The following SHANK2 variants were observed in gnomAD, a reference collection of about 807,000 sequenced individuals.
SHANK2 encodes SH3 and multiple ankyrin repeat domains 2.
A neutral mutation model predicts 133.7 loss-of-function variants in SHANK2; 43 were observed. The ratio of observed to expected loss-of-function variants is 0.32; its 90% confidence interval spans 0.25 to 0.41. The LOEUF (loss-of-function observed/expected upper bound fraction) is 0.41, where lower values mean the gene tolerates loss of function less well. SHANK2 is among the 10% of genes least tolerant of loss of function. SHANK2 has a pLI of 1.00. For missense variants in SHANK2, 1,994 were observed against 2,235.8 expected, an observed-to-expected ratio of 0.89 and a Z score of 2.18; for synonymous variants, 1,017 against 952.8, an observed-to-expected ratio of 1.07 and a Z score of -1.24.
At position 70,469,520 on chromosome 11, in the gene SHANK2, A is replaced by T. The variant is rs1415009737; in HGVS notation, c.*3349T>A. 10 of 148,226 alleles carry T rather than the reference A, an allele frequency of 6.7e-5. No homozygotes were observed. Among genetic ancestry groups the T allele is most frequent in the Non-Finnish European group, 1.5e-4 (10 of 67,664 alleles). 9.2% of individuals were successfully genotyped at this position (148,226 alleles called of 1,614,324 possible). ...ATTGGGAGAAAGTGCAAATTACAGG[A>T]GCTTTTTTTTTTTTTTATAAAGTCT... On this transcript the variant is annotated 3_prime_UTR_variant, in exon 26 of 26. Coordinates refer to ENST00000601538, the MANE Select transcript of SHANK2 (RefSeq NM_012309.5).
chr11:71,189,089 A>G (rs1953734577), intron 2 of SHANK2, among the ~76,000 whole-genome samples: 1 of 152,190 alleles, frequency 6.6e-6, no homozygotes, highest in South Asian at 2.1e-4. Flanking sequence ...GTTGTGAAAT[A>G]GTCACATCTG....
At chr11:70,686,187 C>T (rs1555019534) in intron 15 of SHANK2, among the ~76,000 whole-genome samples, 1 of 147,504 alleles carries the variant, frequency 6.8e-6, no homozygotes, top group Non-Finnish European at 1.5e-5. Flanking sequence ...TCCATCTACT[C>T]ATCCACCCAT....
chr11:71,076,246 A>C (rs1037975016), intron 8 of SHANK2, among the ~76,000 whole-genome samples: 8 of 152,100 alleles, frequency 5.3e-5, no homozygotes, highest in Non-Finnish European at 8.8e-5. Flanking sequence ...TCTCAATCCC[A>C]GGGTCGGGAG....
chr11:70,797,709 C>G (rs1416140606), intron 14 of SHANK2, among the ~76,000 whole-genome samples: 1 of 152,192 alleles, frequency 6.6e-6, no homozygotes, highest in East Asian at 1.9e-4. Flanking sequence ...GTGGCCGCAG[C>G]GTCCGTGGCC....
At chr11:70,777,877 G>C (rs1555044273) in intron 14 of SHANK2, among the ~76,000 whole-genome samples, 1 of 152,214 alleles carries the variant, frequency 6.6e-6, no homozygotes, top group East Asian at 1.9e-4. Context: ...ATGAGGTGGA[G>C]ATAGAGCCCT....
chr11:70,817,311 C>T (rs1178759513), intron 12 of SHANK2, among the ~76,000 whole-genome samples: 6 of 152,206 alleles, frequency 3.9e-5, no homozygotes, highest in African/African-American at 1.4e-4. Context: ...TCCTACAGCA[C>T]AGCTATTGCT....
rs573194267 is a variant in SHANK2, at chr11:70,554,202, C to A, written c.2062-51271G>T. Reference sequence around the variant, plus strand: ...CCCTCCTGATAAGAAATCACAGGCACCTCCTTGACCCTCCAACCACTTCTA... The same window carrying A: ...CCCTCCTGATAAGAAATCACAGGCAACTCCTTGACCCTCCAACCACTTCTA... On this transcript the variant is annotated intron_variant, in intron 17 of 25. Transcript: ENST00000601538. 1.7e-4 allele frequency among the ~76,000 whole-genome samples: 26 copies of A among 152,320 alleles called. No homozygotes were observed. In the South Asian group the frequency reaches 5.2e-3, roughly 30 times the overall value.
At chr11:70,725,099 T>TG (rs776218105) in intron 14 of SHANK2, among the ~76,000 whole-genome samples, 56 of 152,240 alleles carry the variant, frequency 3.7e-4, no homozygotes, top group East Asian at 9.6e-4. Flanking sequence ...CTTGATTCTT[T>TG]GGGGGGGAAA....
At chr11:70,946,331 C>T (rs1445904163) in intron 10 of SHANK2, among the ~76,000 whole-genome samples, 1 of 147,452 alleles carries the variant, frequency 6.8e-6, no homozygotes, top group Non-Finnish European at 1.5e-5. Flanking sequence ...CAACACTTCC[C>T]AGGATCAGCC....
intron 11 of SHANK2, among the ~76,000 whole-genome samples, chr11:70,888,366 T>C (rs574497733): frequency 6.6e-6 from 1 of 152,278 alleles, no homozygotes; most frequent in African/African-American, 2.4e-5. Context: ...CCTCTGTGCC[T>C]CTGAGCTCGG....
chr11:71,230,748 C>T (rs1472470619), intron 1 of SHANK2, among the ~76,000 whole-genome samples: 2 of 152,102 alleles, frequency 1.3e-5, no homozygotes, highest in Admixed American at 1.3e-4. Flanking sequence ...GAACTCAATA[C>T]AGAGCCCAGA....
intron 17 of SHANK2, among the ~76,000 whole-genome samples, chr11:70,572,073 T>A (rs1554983193): frequency 6.6e-6 from 1 of 152,092 alleles, no homozygotes; most frequent in African/African-American, 2.4e-5. Flanking sequence ...AAGGCGGCCA[T>A]CTCCACACCA....
intron 3 of SHANK2, among the ~76,000 whole-genome samples, chr11:71,137,455 G>A (rs1952466456): frequency 1.3e-5 from 2 of 152,092 alleles, no homozygotes; most frequent in Non-Finnish European, 2.9e-5. Flanking sequence ...AGGTATGGAG[G>A]GGGAAATAAG....
At chr11:70,717,522 C>A (rs1380511983) in intron 14 of SHANK2, among the ~76,000 whole-genome samples, 1 of 152,180 alleles carries the variant, frequency 6.6e-6, no homozygotes, top group African/African-American at 2.4e-5. Flanking sequence ...AGGACACAGT[C>A]CCCCTAAAAC....
chr11:70,839,100 G>A (rs1948865494), intron 11 of SHANK2, among the ~76,000 whole-genome samples: 1 of 152,248 alleles, frequency 6.6e-6, no homozygotes, highest in South Asian at 2.1e-4. Flanking sequence ...CTATGGGAAA[G>A]CAGAAGTCAT....
intron 14 of SHANK2, among the ~76,000 whole-genome samples, chr11:70,766,159 T>C (rs1349102190): frequency 2.6e-5 from 4 of 152,220 alleles, no homozygotes; most frequent in Admixed American, 6.5e-5. Context: ...TCTTCCTCTA[T>C]TGGAACGCAG....
At chr11:70,878,442 C>G (rs975290111) in intron 11 of SHANK2, among the ~76,000 whole-genome samples, 4 of 152,206 alleles carry the variant, frequency 2.6e-5, no homozygotes, top group Non-Finnish European at 5.9e-5. Flanking sequence ...CTTTCTGGAG[C>G]AATTTACCAT....
chr11:71,126,725 C>CTTTTTTT (rs200961805), intron 3 of SHANK2, among the ~76,000 whole-genome samples: 4 of 130,274 alleles, frequency 3.1e-5, no homozygotes, highest in African/African-American at 8.6e-5. Context: ...TCATAAACGA[C>CTTTTTTT]TTTTTTTTTT....
At chr11:70,585,456 C>A (rs1454842890) in intron 17 of SHANK2, among the ~76,000 whole-genome samples, 2 of 152,214 alleles carry the variant, frequency 1.3e-5, no homozygotes, top group East Asian at 1.9e-4. Flanking sequence ...CACTGCCCTG[C>A]AATACTCTCC....
Sources: gnomAD v4.1 joint callset for allele counts (sites outside exome capture counted in the v4.1 genomes callset) on GRCh38, gnomAD v4.1.1 for gene constraint, MANE v1.5 for transcripts, NCBI Gene and HGNC (gene_info 2026-07-23, HGNC 2026-07-21) for gene names.